RYR1: variants seen among roughly 807,000 people sequenced by gnomAD.
The protein encoded by RYR1 is central core disease of muscle.
A neutral mutation model predicts 583.5 loss-of-function variants in RYR1; 342 were observed. The observed-to-expected ratio is 0.59, with a 90% CI of 0.54 to 0.64. The LOEUF (loss-of-function observed/expected upper bound fraction) is 0.64. RYR1 is among the 30% of genes least tolerant of loss of function. RYR1 has a pLI of 0.00. For missense variants in RYR1, 6,032 were observed against 6,917.2 expected, an observed-to-expected ratio of 0.87 and a Z score of 4.54; for synonymous variants, 2,791 against 2,822.5, an observed-to-expected ratio of 0.99 and a Z score of 0.35.
intron 87 of RYR1, among the ~76,000 whole-genome samples, chr19:38,546,053 C>T (rs1972408604): frequency 6.6e-6 from 1 of 152,142 alleles, no homozygotes; most frequent in South Asian, 2.1e-4. Flanking sequence ...ATTCAACATA[C>T]ATCTGTCAAT....
rs759947063 is a variant in RYR1, at chr19:38,483,043, A to G, written c.4637A>G (p.Lys1546Arg). The change falls in exon 32 of 106, where the codon AAG becomes AGG. Residue 1546 changes from lysine to arginine, a missense_variant. Around this residue, in one of 11 missense-constraint regions of RYR1, gnomAD observed 2,627 missense variants for 2,961.3 expected, o/e 0.89. Coordinates refer to ENST00000359596, the MANE Select transcript of RYR1 (RefSeq NM_000540.3). The surrounding 1 kb of genome is among the most constrained non-coding windows in gnomAD (Gnocchi z 6.3). The stretch of plus-strand genomic sequence containing the variant: ...CTCTGCCAGGTGGAACCCAACACTA[A>G]GCTATTTCCTGCCGTCTTCGTCCTG... ...NTFFQVEPNT[K>R]LFPAVFVLPT... The G allele has an allele frequency of 1.2e-5, 19 of 1,613,954 alleles. No homozygotes were observed. The highest frequency in any genetic ancestry group is 1.5e-5 in the Non-Finnish European group (18 of 1,180,018).
Position 38,565,387 on chromosome 19 carries a change from G to A in RYR1, c.13053G>A (p.Ala4351=). The A allele has an allele frequency of 1.5e-6, 2 of 1,359,870 alleles. No homozygotes were observed. Among genetic ancestry groups the A allele is most frequent in the East Asian group, 3.2e-5 (1 of 31,712 alleles). 84.2% of individuals were successfully genotyped at this position (1,359,870 alleles called of 1,614,324 possible). ...TRAGAAGAGA[A]AGALGLLWGS... ...CTGGGGCCGCTGGCGCGGGGGCGGC[G>A]GCGGGCGCGCTGGGCCTGCTCTGGG... Residue 4351 remains alanine (A), a synonymous_variant, in exon 91 of 106, where the codon GCG becomes GCA. Transcript: ENST00000359596. The surrounding 1 kb of genome is among the most constrained non-coding windows in gnomAD (Gnocchi z 4.7).
intron 89 of RYR1, among the ~76,000 whole-genome samples, chr19:38,560,614 A>C (rs753039583): frequency 2.8e-4 from 42 of 150,096 alleles, no homozygotes; most frequent in Non-Finnish European, 3.3e-4. Flanking sequence ...CTGTAATCCC[A>C]GCTGCTCAGG....
Position 38,494,527 on chromosome 19 carries a change from A to T in RYR1, c.6450A>T (p.Glu2150Asp). ...RAYTISPSSV[E>D]DTMSLLECLG... ...ACACCATCTCACCGTCCTCCGTGGA[A>T]GACACCATGAGCCTGCTCGAGTGCC... Residue 2150 changes from glutamate to aspartate, a missense_variant, in exon 39 of 106, where the codon GAA becomes GAT. Glu to Asp is a conservative substitution (Grantham distance 45). Transcript: ENST00000359596. The T allele has an allele frequency of 6.2e-7, 1 of 1,613,976 alleles. No individual in the cohort carries two copies. The highest frequency in any genetic ancestry group is 2.2e-5 in the East Asian group (1 of 44,884).
At chr19:38,568,658 A>G (rs1973561048) in intron 93 of RYR1, among the ~76,000 whole-genome samples, 1 of 148,660 alleles carries the variant, frequency 6.7e-6, no homozygotes, top group African/African-American at 2.5e-5. Flanking sequence ...ATGCTGAGGC[A>G]TGAGAATCGC....
Position 38,496,551 on chromosome 19 carries a change from C to A in RYR1, c.6796+10C>A. On this transcript the variant is annotated intron_variant, in intron 41 of 105. Coordinates refer to ENST00000359596, the MANE Select transcript of RYR1 (RefSeq NM_000540.3). The surrounding 1 kb of genome is among the most constrained non-coding windows in gnomAD (Gnocchi z 4.8). Reference sequence around the variant, plus strand: ...AGTGGCATCGGCCTGGGTGAGAACCCCCGAGCCCAGGGGCTGTCCCCCAGA... The same window carrying A: ...AGTGGCATCGGCCTGGGTGAGAACCACCGAGCCCAGGGGCTGTCCCCCAGA... The A allele has an allele frequency of 6.2e-7, 1 of 1,613,184 alleles. No homozygotes were observed. Among genetic ancestry groups the A allele is most frequent in the South Asian group, 1.1e-5 (1 of 91,084 alleles).
intron 5 of RYR1, among the ~76,000 whole-genome samples, 170 bp downstream of exon 5, chr19:38,443,966 TG>T (rs1972818845): frequency 6.6e-6 from 1 of 152,054 alleles, no homozygotes; most frequent in East Asian, 1.9e-4. Context: ...AGACACACGT[TG>T]GGGACCACTA....
In RYR1 at chr19:38,478,528, G is replaced by A. The variant is rs1680687897; in HGVS notation, c.4548G>A (p.Gly1516=). ...TCAGCCACACGGACCTTGTCATTGG[G>A]TGCCTGGTGGACTTGGCCACTGGCT... ...GRISHTDLVI[G]CLVDLATGLM... is the part of the protein sequence containing the mutation. Residue 1516 remains glycine (G), a synonymous_variant, in exon 31 of 106, where the codon GGG becomes GGA. Transcript: ENST00000359596. 6.2e-7 allele frequency: 1 copy of A among 1,614,026 alleles called. No homozygotes were observed. Among genetic ancestry groups the A allele is most frequent in the Non-Finnish European group, 8.5e-7 (1 of 1,180,044 alleles).
chr19:38,507,612 G>C (rs1970531316), intron 57 of RYR1, 100 bp from the exon 58 acceptor site: 1 of 811,250 alleles, frequency 1.2e-6, no homozygotes. Context: ...AGCCAAAGCT[G>C]ATAGAGACGG....
chr19:38,584,469 T>TCA (rs1974367161), intron 101 of RYR1, among the ~76,000 whole-genome samples: 1 of 46,888 alleles, frequency 2.1e-5, no homozygotes, highest in Non-Finnish European at 3.9e-5. Flanking sequence ...CTGACCCTTC[T>TCA]GCCTGTACCC....
chr19:38,581,894 A>C (rs549144807), intron 101 of RYR1, among the ~76,000 whole-genome samples: 5 of 152,072 alleles, frequency 3.3e-5, no homozygotes, highest in Non-Finnish European at 5.9e-5. Flanking sequence ...AGATGTGAGC[A>C]ACTGCACCCG....
At position 38,496,432 on chromosome 19, in the gene RYR1, G is replaced by T; in HGVS notation, c.6687G>T (p.Val2229=). ...AGGAGATCCGCTTCCCCAAGATGGT[G>T]ACAAGCTGCTGCCGCTTCCTCTGCT... ...ESKEIRFPKM[V]TSCCRFLCYF... is the part of the protein sequence containing the mutation. The change falls in exon 41 of 106, where the codon GTG becomes GTT. Residue 2229 remains valine (V), a synonymous_variant. Transcript: ENST00000359596. The surrounding 1 kb of genome is among the most constrained non-coding windows in gnomAD (Gnocchi z 4.8). 6.2e-7 allele frequency: 1 copy of T among 1,613,842 alleles called. No homozygotes were observed. Among genetic ancestry groups the T allele is most frequent in the South Asian group, 1.1e-5 (1 of 91,082 alleles).
Position 38,499,022 on chromosome 19 carries a change from G to C in RYR1, c.6892-86G>C. 1.4e-6 allele frequency: 2 copies of C among 1,398,108 alleles called. No homozygotes were observed. Among genetic ancestry groups the C allele is most frequent in the South Asian group, 1.3e-5 (1 of 76,974 alleles). 86.6% of individuals were successfully genotyped at this position (1,398,108 alleles called of 1,614,324 possible). On this transcript the variant is annotated intron_variant, in intron 42 of 105. Coordinates refer to ENST00000359596, the MANE Select transcript of RYR1 (RefSeq NM_000540.3). This position sits in a 1 kb window ranked among gnomAD's most constrained non-coding sequence, Gnocchi z 7.3. ...AGCTGAACCGGACTGAGGAGCCGCA[G>C]GGCAGGGCAGGGCAGGGCAGAGGGC...
chr19:38,571,162 T>C (rs964341004), intron 94 of RYR1, among the ~76,000 whole-genome samples: 1 of 151,916 alleles, frequency 6.6e-6, no homozygotes, highest in Non-Finnish European at 1.5e-5. Context: ...TTGCCAGGGG[T>C]CTAGATAACA....
chr19:38,475,215 T>G lies in RYR1; in HGVS notation c.4161-103T>G, dbSNP rs576554190. 4.7e-6 allele frequency: 7 copies of G among 1,481,450 alleles called. No individual in the cohort carries two copies. In the African/African-American group the frequency reaches 9.8e-5, roughly 21 times the overall value. 91.8% of individuals were successfully genotyped at this position (1,481,450 alleles called of 1,614,324 possible). A position where few individuals can be genotyped will look rare whatever the true frequency, so the allele number is the denominator to read the frequency against. On this transcript the variant is annotated intron_variant, in intron 28 of 105. Coordinates refer to ENST00000359596, the MANE Select transcript of RYR1 (RefSeq NM_000540.3). ...CCTCTAGAGGCAAGACCTGGGGTATTAGAAGCAGGGTGTATCCAAGCTGGA... is the reference window on the plus strand; with the variant it reads ...CCTCTAGAGGCAAGACCTGGGGTATGAGAAGCAGGGTGTATCCAAGCTGGA...
rs953499870 is a variant in RYR1, at chr19:38,463,147, C to CG, written c.2578-276_2578-275insG. ...TCCTGACCTCAGGCGATCTGCCCCC[C>CG]CCCCCCCCACTTAGCCTCCCAAAGT... On this transcript the variant is annotated intron_variant, in intron 20 of 105. Transcript: ENST00000359596. Among the ~76,000 whole-genome samples, 3 of 63,324 alleles carry CG rather than the reference C, an allele frequency of 4.7e-5. 1 individual carries two copies. The highest frequency in any genetic ancestry group is 1.8e-4 in the African/African-American group (3 of 17,040). 41.5% of individuals were successfully genotyped at this position (63,324 alleles called of 152,430 possible). A position where few individuals can be genotyped will look rare whatever the true frequency, so the allele number is the denominator to read the frequency against.
intron 89 of RYR1, among the ~76,000 whole-genome samples, chr19:38,559,228 CTTTTTTTTT>C (rs34239565): frequency 9.9e-6 from 1 of 101,304 alleles, no homozygotes; most frequent in African/African-American, 3.9e-5. Flanking sequence ...AGGTGGGCTT[CTTTTTTTTT>C]TTTTTTTTTT....
rs1260393796 is a variant in RYR1, at chr19:38,475,321, C to G, written c.4164C>G (p.Phe1388Leu). The part of the protein sequence containing the change: ...ATTEKNKKRG[F>L]LFKAKKVAMM... ...GCGCCTCTCCTCCCACTACCAGCTT[C>G]TTATTCAAGGCCAAGAAGGTCGCCA... is the stretch of plus-strand genomic sequence containing the variant. The change falls in exon 29 of 106, where the codon TTC becomes TTG. Residue 1388 changes from phenylalanine to leucine, a missense_variant. Physicochemically the swap from Phe to Leu is conservative, Grantham distance 22 (BLOSUM62 0). Around this residue, in one of 11 missense-constraint regions of RYR1, gnomAD observed 2,627 missense variants for 2,961.3 expected, o/e 0.89. Coordinates refer to ENST00000359596, the MANE Select transcript of RYR1 (RefSeq NM_000540.3). The G allele has an allele frequency of 1.3e-6, 2 of 1,585,104 alleles. No individual in the cohort carries two copies. The highest frequency in any genetic ancestry group is 3.6e-5 in the Admixed American group (2 of 54,850).
At position 38,527,802 on chromosome 19, in the gene RYR1, G is replaced by A; in HGVS notation, c.10824+18G>A. Reference sequence around the variant, plus strand: ...TGGACCAGGTGGGTGGGGCCGGAGGGGTCTTTCTACTGGGTCTCTGGGCGG... The same window carrying A: ...TGGACCAGGTGGGTGGGGCCGGAGGAGTCTTTCTACTGGGTCTCTGGGCGG... On this transcript the variant is annotated intron_variant, in intron 73 of 105. Transcript: ENST00000359596. The A allele has an allele frequency of 1.2e-6, 2 of 1,613,754 alleles. No homozygotes were observed. Among genetic ancestry groups the A allele is most frequent in the Non-Finnish European group, 1.7e-6 (2 of 1,179,836 alleles).
Sources: gnomAD v4.1 joint callset for allele counts (sites outside exome capture counted in the v4.1 genomes callset) on GRCh38, gnomAD v4.1.1 for gene constraint, gnomAD v4.1.1 regional missense constraint, Gnocchi (gnomAD v3.1) non-coding constraint, MANE v1.5 for transcripts, NCBI Gene and HGNC (gene_info 2026-07-23, HGNC 2026-07-21) for gene names.